Variants in CPEB1 observed in about 807,000 individuals in gnomAD.
CPEB1 encodes cytoplasmic polyadenylation element-binding protein 1.
A neutral mutation model predicts 65.8 loss-of-function variants in CPEB1; 7 were observed. The ratio of observed to expected loss-of-function variants is 0.11; its 90% confidence interval spans 0.06 to 0.20. CPEB1 has a LOEUF of 0.20. Among genes scored for constraint, CPEB1 ranks in the 10% least tolerant of loss-of-function variants. The pLI is 1.00. For synonymous variants in CPEB1, 262 were observed against 260.0 expected, an observed-to-expected ratio of 1.01 and a Z score of -0.08; for missense variants, 551 against 712.2, an observed-to-expected ratio of 0.77 and a Z score of 2.58.
At chr15:82,571,597 C>T in intron 3 of CPEB1, 65 bp from the exon 4 acceptor site, 1 of 1,539,490 alleles carries the variant, frequency 6.5e-7, no homozygotes, top group Non-Finnish European at 8.7e-7. Context: ...ATATTATCAA[C>T]AGTAAATATT....
intron 1 of CPEB1, among the ~76,000 whole-genome samples, chr15:82,645,529 C>T (rs2047432700): frequency 6.6e-6 from 1 of 151,970 alleles, no homozygotes; most frequent in South Asian, 2.1e-4. Context: ...ACTGAGCAGG[C>T]ACTACCAGGC....
chr15:82,566,171 A>G (rs772134462), intron 4 of CPEB1, among the ~76,000 whole-genome samples: 2 of 152,204 alleles, frequency 1.3e-5, no homozygotes, highest in Non-Finnish European at 2.9e-5. Flanking sequence ...AGCAATGGCA[A>G]CAAGAGCCTG....
At chr15:82,581,093 A>G (rs2041240390) in intron 3 of CPEB1, among the ~76,000 whole-genome samples, 1 of 152,056 alleles carries the variant, frequency 6.6e-6, no homozygotes, top group African/African-American at 2.4e-5. Context: ...CCACCCACCT[A>G]GGCCTCCCAA....
chr15:82,583,808 T>C (rs1220035088), intron 3 of CPEB1, among the ~76,000 whole-genome samples: 5 of 152,204 alleles, frequency 3.3e-5, no homozygotes, highest in Admixed American at 3.3e-4. Flanking sequence ...AGAAAAATGT[T>C]TCAAAACATA....
chr15:82,631,313 AGCTC>A (rs2046224163), intron 1 of CPEB1, among the ~76,000 whole-genome samples: 1 of 152,144 alleles, frequency 6.6e-6, no homozygotes, highest in Non-Finnish European at 1.5e-5. Flanking sequence ...ATCAAGCCAG[AGCTC>A]TAGCTTAAGA....
intron 1 of CPEB1, among the ~76,000 whole-genome samples, chr15:82,636,469 A>G (rs777125239): frequency 2.6e-5 from 4 of 152,212 alleles, no homozygotes; most frequent in Non-Finnish European, 5.9e-5. Flanking sequence ...TTCATAGGGT[A>G]CATCTATTGT....
At chr15:82,593,958 T>C (rs1203447537) in intron 3 of CPEB1, among the ~76,000 whole-genome samples, 1 of 152,206 alleles carries the variant, frequency 6.6e-6, no homozygotes, top group African/African-American at 2.4e-5. Context: ...CAAACAGATG[T>C]GCTGTCATGA....
intron 4 of CPEB1, among the ~76,000 whole-genome samples, chr15:82,568,253 A>G (rs1374984100): frequency 1.3e-5 from 2 of 152,152 alleles, no homozygotes; most frequent in Non-Finnish European, 2.9e-5. Context: ...AAATTAGTCG[A>G]TAAATGGTGG....
At chr15:82,594,862 G>GA (rs34381421) in intron 3 of CPEB1, among the ~76,000 whole-genome samples, 104,268 of 152,008 alleles carry the variant, frequency 0.69, 36,543 homozygotes, top group African/African-American at 0.83. Flanking sequence ...GGAGGCCCAA[G>GA]AAAGTGGGAG....
intron 3 of CPEB1, among the ~76,000 whole-genome samples, chr15:82,592,413 C>T (rs2042331704): frequency 6.6e-6 from 1 of 151,392 alleles, no homozygotes; most frequent in African/African-American, 2.4e-5. Flanking sequence ...CATGGTGAAA[C>T]CCCATCTCTA....
At chr15:82,553,780 G>T (rs2036704254) in intron 7 of CPEB1, 98 bp downstream of exon 7, 2 of 886,552 alleles carry the variant, frequency 2.3e-6, no homozygotes, top group East Asian at 4.9e-5. Context: ...CTGAGCTCAG[G>T]CAGGGCATTC....
chr15:82,619,568 A>G (rs2045101362), intron 3 of CPEB1, among the ~76,000 whole-genome samples: 2 of 152,254 alleles, frequency 1.3e-5, no homozygotes, highest in Non-Finnish European at 2.9e-5. Flanking sequence ...TGGCCTATAT[A>G]AAGAACTGCT....
Position 82,615,651 on chromosome 15 carries a change from C to G in CPEB1, c.271+11542G>C, listed in dbSNP as rs183826859. Among the ~76,000 whole-genome samples, 195 of 152,190 alleles carry G rather than the reference C, an allele frequency of 1.3e-3. 1 individual carries two copies. Among genetic ancestry groups the G allele is most frequent in the Middle Eastern group, 6.8e-3 (2 of 294 alleles). On this transcript the variant is annotated intron_variant, in intron 3 of 12. Transcript: ENST00000684509. Reference sequence around the variant, plus strand: ...TTTTATAATATAAAGAAAACAAAATCAAGTTGGATTTACAGCTATATCAAC... The same window carrying G: ...TTTTATAATATAAAGAAAACAAAATGAAGTTGGATTTACAGCTATATCAAC...
intron 3 of CPEB1, among the ~76,000 whole-genome samples, chr15:82,600,852 T>C (rs1198216432): frequency 2.0e-5 from 3 of 150,012 alleles, no homozygotes; most frequent in East Asian, 3.9e-4. Flanking sequence ...GGGTTCTTCA[T>C]CCTCTCTCAT....
At chr15:82,565,715 G>A (rs977101110) in intron 4 of CPEB1, among the ~76,000 whole-genome samples, 2 of 152,166 alleles carry the variant, frequency 1.3e-5, no homozygotes, top group African/African-American at 2.4e-5. Context: ...CTCCAATAAC[G>A]GCCAAGGCCC....
chr15:82,583,736 G>A (rs2151110882), intron 3 of CPEB1, among the ~76,000 whole-genome samples: 1 of 152,318 alleles, frequency 6.6e-6, no homozygotes, highest in South Asian at 2.1e-4. Flanking sequence ...CTGAATGCCA[G>A]AGGTTAACCT....
chr15:82,628,298 C>CA (rs1271064291), intron 2 of CPEB1, 66 bp downstream of exon 2: 31 of 701,008 alleles, frequency 4.4e-5, no homozygotes, highest in Non-Finnish European at 7.5e-5. Flanking sequence ...GTAGATATGA[C>CA]AAAAAAAGGT....
intron 4 of CPEB1, among the ~76,000 whole-genome samples, chr15:82,561,029 A>G (rs1408112959): frequency 6.6e-6 from 1 of 152,274 alleles, no homozygotes; most frequent in Non-Finnish European, 1.5e-5. Context: ...ATAGATTAGG[A>G]GCAAATAAAT....
intron 1 of CPEB1, among the ~76,000 whole-genome samples, chr15:82,636,670 C>T (rs1189714872): frequency 6.6e-6 from 1 of 152,158 alleles, no homozygotes; most frequent in African/African-American, 2.4e-5. Flanking sequence ...TGTAAGCTCA[C>T]CAATCTGATA....
Sources: gnomAD v4.1 joint callset for allele counts (sites outside exome capture counted in the v4.1 genomes callset) on GRCh38, gnomAD v4.1.1 for gene constraint, MANE v1.5 for transcripts, NCBI Gene and HGNC (gene_info 2026-07-23, HGNC 2026-07-21) for gene names.